The following VASH1 variants were observed in gnomAD, a reference collection of about 807,000 sequenced individuals.
VASH1 encodes the protein vasohibin 1.
In VASH1, 16 loss-of-function variants were observed where a neutral mutation model predicts 35.0. That is an observed-to-expected ratio of 0.46 (90% CI 0.31 to 0.70). The LOEUF is 0.70. Among genes scored for constraint, VASH1 ranks in the 30% least tolerant of loss-of-function variants. VASH1 has a pLI of 0.05. For missense variants in VASH1, 505 were observed against 510.7 expected (o/e 0.99, Z 0.11); for synonymous variants, 214 against 200.9 (o/e 1.07, Z -0.55).
At chr14:76,773,590 C>A in intron 4 of VASH1, 1 of 352,810 alleles carries the variant, frequency 2.8e-6, no homozygotes, top group Non-Finnish European at 5.1e-6. Flanking sequence ...TTGGCATTTC[C>A]AGAACATGTT....
Position 76,763,567 on chromosome 14 carries a change from C to T in VASH1, c.309+437C>T, listed in dbSNP as rs546769259. ...TTGAATTCTCCCAACAGCCTTGTGA[C>T]GTAAGTACAGTTTGGATTCCCATTT... is the stretch of plus-strand genomic sequence containing the variant. On this transcript the variant is annotated intron_variant, in intron 1 of 6. Transcript: ENST00000167106. Among the ~76,000 whole-genome samples, 16 of 152,256 alleles carry T rather than the reference C, an allele frequency of 1.1e-4. No individual in the cohort carries two copies. The East Asian group carries it at 2.1e-3, about 20-fold the overall frequency.
intron 1 of VASH1, 75 bp downstream of exon 1, chr14:76,763,205 C>G: frequency 7.6e-7 from 1 of 1,316,988 alleles, no homozygotes; most frequent in Non-Finnish European, 9.8e-7. Context: ...TGAAGCCACA[C>G]TCTCCTCCCA....
Position 76,778,009 on chromosome 14 carries a change from T to A in VASH1, c.963T>A (p.Asp321Glu). 6.5e-7 allele frequency: 1 copy of A among 1,547,784 alleles called. No individual in the cohort carries two copies. Among genetic ancestry groups the A allele is most frequent in the Non-Finnish European group, 8.7e-7 (1 of 1,147,954 alleles). The change falls in exon 6 of 7, where the codon GAT becomes GAA. Residue 321 changes from aspartate (D) to glutamate (E), a missense_variant. Transcript: ENST00000167106. The stretch of plus-strand genomic sequence containing the variant: ...CTCCCACCAAGGACCGGAAGAAGGA[T>A]GTTTCTTCCCCGCAGCGGGCCCAGT... ...PPSPTKDRKK[D>E]VSSPQRAQSS...
At chr14:76,772,437 T>A (rs531262903) in intron 3 of VASH1, among the ~76,000 whole-genome samples, 1 of 152,318 alleles carries the variant, frequency 6.6e-6, no homozygotes, top group African/African-American at 2.4e-5. Flanking sequence ...GGCCTGTGGC[T>A]GCTGTGTGCT....
rs140108674 is a variant in VASH1, at chr14:76,767,112, G to A, written c.310-2851G>A. On this transcript the variant is annotated intron_variant, in intron 1 of 6. Transcript: ENST00000167106. ...ATACAAAAATTAGCTGGATGTGGTG[G>A]TGCATGCCTGTGATCCTAGCTACTC... 2.6e-3 allele frequency among the ~76,000 whole-genome samples: 403 copies of A among 152,154 alleles called. 1 individual carries two copies. Among genetic ancestry groups the A allele is most frequent in the African/African-American group, 9.2e-3 (383 of 41,512 alleles).
rs528485845 is a variant in VASH1, at chr14:76,779,688, A to C, written c.*670A>C. The C allele has an allele frequency of 6.7e-6, 4 of 593,760 alleles. No individual in the cohort carries two copies. The East Asian group carries it at 1.1e-4, about 17-fold the overall frequency. The allele number at this position is 593,760 out of a possible 1,614,324, so 36.8% of individuals were successfully genotyped here. On this transcript the variant is annotated 3_prime_UTR_variant, in exon 7 of 7. Coordinates refer to ENST00000167106, the MANE Select transcript of VASH1 (RefSeq NM_014909.5). ...GTGTGGGCAGAGGAGGGGTGATATG[A>C]GAGCGAGCCCAGGGAAGGACCTCTG...
At chr14:76,775,517 G>T (rs1893911819) in intron 4 of VASH1, among the ~76,000 whole-genome samples, 1 of 152,180 alleles carries the variant, frequency 6.6e-6, no homozygotes, top group Non-Finnish European at 1.5e-5. Flanking sequence ...GCCTGTGTGT[G>T]TGCCAAGGTG....
At chr14:76,775,836 C>A in intron 4 of VASH1, 56 bp from the exon 5 acceptor site, 1 of 1,494,266 alleles carries the variant, frequency 6.7e-7, no homozygotes, top group East Asian at 2.5e-5. Context: ...CCAGTCCCTC[C>A]CGGTGTGCTG....
Position 76,778,006 on chromosome 14 carries a change from G to T in VASH1, c.960G>T (p.Lys320Asn). The T allele has an allele frequency of 6.5e-7, 1 of 1,549,060 alleles. No individual in the cohort carries two copies. The highest frequency in any genetic ancestry group is 2.6e-5 in the East Asian group (1 of 38,970). The change falls in exon 6 of 7, where the codon AAG (lysine) becomes AAT (asparagine). Residue 320 changes from lysine (K) to asparagine (N), a missense_variant. By Grantham distance (94) the Lys-to-Asn change is moderately conservative. Coordinates refer to ENST00000167106, the MANE Select transcript of VASH1 (RefSeq NM_014909.5). ...GPPSPTKDRK[K>N]DVSSPQRAQS... ...CCTCTCCCACCAAGGACCGGAAGAA[G>T]GATGTTTCTTCCCCGCAGCGGGCCC...
rs758428607 is a variant in VASH1 at position 76,778,018 on chromosome 14, C to T, written c.972C>T (p.Ser324=). Residue 324 remains serine (S), a synonymous_variant, in exon 6 of 7, where the codon TCC becomes TCT. Transcript: ENST00000167106. ...AGGACCGGAAGAAGGATGTTTCTTC[C>T]CCGCAGCGGGCCCAGTCCAGCCCCC... The part of the protein sequence containing the change: ...PTKDRKKDVS[S]PQRAQSSPHR... 52 of 1,545,082 alleles carry T rather than the reference C, an allele frequency of 3.4e-5. No individual in the cohort carries two copies. The highest frequency in any genetic ancestry group is 4.5e-5 in the Non-Finnish European group (52 of 1,146,312).
In VASH1 at chr14:76,775,913, C is replaced by T. The variant is rs754626866; in HGVS notation, c.552C>T (p.Pro184=). The T allele has an allele frequency of 5.7e-6, 9 of 1,591,362 alleles. No individual in the cohort carries two copies. The highest frequency in any genetic ancestry group is 7.7e-6 in the Non-Finnish European group (9 of 1,168,026). Residue 184 remains proline, a synonymous_variant, in exon 5 of 7, where the codon CCC becomes CCT. Coordinates refer to ENST00000167106, the MANE Select transcript of VASH1 (RefSeq NM_014909.5). ...ILGIYLTNSM[P]TLERFPISFK... is the part of the protein sequence containing the mutation. ...CCAGTTACCTCACCAACAGCATGCCCACCCTGGAGCGCTTCCCCATCAGCT... is the reference window on the plus strand; with the variant it reads ...CCAGTTACCTCACCAACAGCATGCCTACCCTGGAGCGCTTCCCCATCAGCT...
chr14:76,768,496 C>T (rs140827069), intron 1 of VASH1, among the ~76,000 whole-genome samples: 1 of 152,068 alleles, frequency 6.6e-6, no homozygotes, highest in Admixed American at 6.5e-5. Flanking sequence ...GGACCAGGGC[C>T]CCTTCCCTCC....
In VASH1 at chr14:76,762,626, AC is replaced by A; in HGVS notation, c.-191del. ...CTCCAAGGCTGACCCCAGACAACCCACCCCCTCGGACCCTAATTCACCTTAT... is the reference window on the plus strand; with the variant it reads ...CTCCAAGGCTGACCCCAGACAACCCACCCCTCGGACCCTAATTCACCTTAT... On this transcript the variant is annotated 5_prime_UTR_variant, in exon 1 of 7. Transcript: ENST00000167106. The A allele has an allele frequency of 2.3e-6, 1 of 441,020 alleles. No individual in the cohort carries two copies. Among genetic ancestry groups the A allele is most frequent in the Non-Finnish European group, 4.0e-6 (1 of 251,058 alleles). The allele number at this position is 441,020 out of a possible 1,614,324, so 27.3% of individuals were successfully genotyped here. A position where few individuals can be genotyped will look rare whatever the true frequency, so the allele number is the denominator to read the frequency against.
intron 1 of VASH1, among the ~76,000 whole-genome samples, chr14:76,765,143 C>T (rs2140172904): frequency 6.6e-6 from 1 of 152,210 alleles, no homozygotes; most frequent in Middle Eastern, 3.4e-3. Flanking sequence ...CTAAATCAGG[C>T]CATAAAAGAG....
At position 76,779,709 on chromosome 14, in the gene VASH1, C is replaced by T; in HGVS notation, c.*691C>T. ...TATGAGAGCGAGCCCAGGGAAGGAC[C>T]TCTGGGCAAAAAGTTCCCAGGCCCT... On this transcript the variant is annotated 3_prime_UTR_variant, in exon 7 of 7. Coordinates refer to ENST00000167106, the MANE Select transcript of VASH1 (RefSeq NM_014909.5). 1 of 587,392 alleles carries T rather than the reference C, an allele frequency of 1.7e-6. No individual in the cohort carries two copies. Among genetic ancestry groups the T allele is most frequent in the East Asian group, 2.8e-5 (1 of 35,416 alleles). The allele number at this position is 587,392 out of a possible 1,614,324, so 36.4% of individuals were successfully genotyped here.
Position 76,779,800 on chromosome 14 carries a change from G to A in VASH1, c.*782G>A. 2.0e-6 allele frequency: 1 copy of A among 494,402 alleles called. No homozygotes were observed. The highest frequency in any genetic ancestry group is 3.5e-6 in the Non-Finnish European group (1 of 281,872). The allele number at this position is 494,402 out of a possible 1,614,324, so 30.6% of individuals were successfully genotyped here. On this transcript the variant is annotated 3_prime_UTR_variant, in exon 7 of 7. Transcript: ENST00000167106. ...CTAGCCCACAGGCTCCCTGCGGAGG[G>A]TCTGGGCTTGGCGGAGGACCCAGAA...
chr14:76,773,301 G>T (rs776787755), intron 4 of VASH1, 90 bp downstream of exon 4: 1 of 1,304,752 alleles, frequency 7.7e-7, no homozygotes, highest in African/African-American at 1.5e-5. Context: ...GGTTGAATGG[G>T]CTCCAGGGCT....
intron 1 of VASH1, among the ~76,000 whole-genome samples, chr14:76,768,794 C>G (rs555677561): frequency 2.6e-5 from 4 of 152,328 alleles, no homozygotes; most frequent in Admixed American, 2.0e-4. Context: ...TCTCAGCAGT[C>G]CCATCGGGTG....
At position 76,771,252 on chromosome 14, in the gene VASH1, T is replaced by C. The variant is rs761755095; in HGVS notation, c.455+6T>C. The C allele has an allele frequency of 1.3e-6, 2 of 1,598,344 alleles. No homozygotes were observed. The highest frequency in any genetic ancestry group is 2.7e-5 in the African/African-American group (2 of 74,202). On this transcript the variant is annotated splice_donor_region_variant and intron_variant, in intron 3 of 6. Coordinates refer to ENST00000167106, the MANE Select transcript of VASH1 (RefSeq NM_014909.5). ...AAGAGCAGACCTCTGACAGGGTAAG[T>C]ATGGGGAGGCCAGTCCTCTGCCCCA...
Sources: allele counts gnomAD v4.1 joint callset (sites outside exome capture counted in the v4.1 genomes callset), GRCh38; gene constraint gnomAD v4.1.1; transcripts MANE v1.5; gene names NCBI Gene and HGNC (gene_info 2026-07-23, HGNC 2026-07-21).